Variants in MACF1 observed in about 807,000 individuals in gnomAD.
MACF1 encodes microtubule actin crosslinking factor 1.
In MACF1, 193 loss-of-function variants were observed where a neutral mutation model predicts 854.8. The observed-to-expected ratio is 0.23, with a 90% CI of 0.20 to 0.25. The LOEUF is 0.25. Ranked by LOEUF, MACF1 falls within the 10% of genes least tolerant of loss-of-function variation. The probability of loss-of-function intolerance (pLI) is 1.00; values close to 1 mark genes in which losing one functional copy is unlikely to be tolerated. For missense variants in MACF1, 7,722 were observed against 8,929.1 expected (o/e 0.86, Z 5.45); for synonymous variants, 3,185 against 3,226.7 (o/e 0.99, Z 0.44).
At chr1:39,459,811 A>G in intron 91 of MACF1, 1 of 1,303,800 alleles carries the variant, frequency 7.7e-7, no homozygotes, top group Non-Finnish European at 1.0e-6. Flanking sequence ...ATTTGTGCAT[A>G]TCAAAGCAGC....
chr1:39,387,120 T>C, intron 57 of MACF1, 67 bp from the exon 58 acceptor site: 1 of 1,544,528 alleles, frequency 6.5e-7, no homozygotes. Context: ...GACCGTATAC[T>C]CTCAGCAAAC....
intron 2 of MACF1, among the ~76,000 whole-genome samples, chr1:39,147,834 A>G (rs1478342771): frequency 3.3e-5 from 5 of 152,148 alleles, no homozygotes; most frequent in African/African-American, 1.2e-4. Context: ...CTCAACAGAT[A>G]TTGTTTCCTG....
At chr1:39,213,114 G>T (rs1644535985) in intron 1 of MACF1, among the ~76,000 whole-genome samples, 1 of 152,196 alleles carries the variant, frequency 6.6e-6, no homozygotes, top group Admixed American at 6.5e-5. Context: ...ACCTTTTAAA[G>T]TCCTAGAATT....
rs1645664056 is a variant in MACF1 at position 39,287,272 on chromosome 1, T to C, written c.1509-14T>C. The stretch of plus-strand genomic sequence containing the variant: ...GATTTAAATCCTTTCCTTTTTTCTC[T>C]TCTTCCATTTCAGGGTCATGCGTCT... On this transcript the variant is annotated splice_polypyrimidine_tract_variant and intron_variant, in intron 14 of 100. Coordinates refer to ENST00000564288, the MANE Select transcript of MACF1 (RefSeq NM_001394062.1). 6.2e-7 allele frequency: 1 copy of C among 1,609,436 alleles called. No individual in the cohort carries two copies. The highest frequency in any genetic ancestry group is 8.5e-7 in the Non-Finnish European group (1 of 1,176,898).
Position 39,460,501 on chromosome 1 carries a change from A to G in MACF1, c.21361-131A>G. The G allele has an allele frequency of 1.3e-6, 1 of 751,050 alleles. No individual in the cohort carries two copies. The highest frequency in any genetic ancestry group is 1.8e-5 in the South Asian group (1 of 56,674). 46.5% of individuals were successfully genotyped at this position (751,050 alleles called of 1,614,324 possible). A position where few individuals can be genotyped will look rare whatever the true frequency, so the allele number is the denominator to read the frequency against. The stretch of plus-strand genomic sequence containing the variant: ...GATTGTGCCTTCACAAAAGAAGCAA[A>G]CACATAGATTTCATTGTTGATGGCC... On this transcript the variant is annotated intron_variant, in intron 91 of 100. Transcript: ENST00000564288. This position sits in a 1 kb window ranked among gnomAD's most constrained non-coding sequence, Gnocchi z 4.1.
At chr1:39,330,802 C>CTTT (rs543557691) in intron 36 of MACF1, among the ~76,000 whole-genome samples, 1 of 139,946 alleles carries the variant, frequency 7.1e-6, no homozygotes, top group African/African-American at 2.6e-5. Context: ...TACTGTAGTA[C>CTTT]TTTTTTTTTT....
intron 40 of MACF1, among the ~76,000 whole-genome samples, chr1:39,345,382 G>A (rs1647021203): frequency 6.6e-6 from 1 of 152,124 alleles, no homozygotes; most frequent in African/African-American, 2.4e-5. Context: ...AGGCTAAGTG[G>A]AAGGATCACT....
intron 1 of MACF1, among the ~76,000 whole-genome samples, chr1:39,215,729 A>G (rs766781591): frequency 1.5e-4 from 22 of 151,102 alleles, no homozygotes; most frequent in Admixed American, 1.2e-3. Context: ...GGTATGTTGC[A>G]TAGTGCTGAA....
chr1:39,480,430 G>A (rs1644992974), intron 98 of MACF1, among the ~76,000 whole-genome samples: 2 of 152,236 alleles, frequency 1.3e-5, no homozygotes, highest in South Asian at 4.2e-4. Flanking sequence ...GGGCAACATA[G>A]CAAGACCATC....
chr1:39,395,180 G>A (rs185535162), intron 58 of MACF1, among the ~76,000 whole-genome samples: 2 of 152,230 alleles, frequency 1.3e-5, no homozygotes, highest in Non-Finnish European at 2.9e-5. Flanking sequence ...GTGCATTGTA[G>A]GCTGTTTAGC....
chr1:39,318,431 C>G, intron 29 of MACF1, 22 bp from the exon 30 acceptor site: 4 of 1,607,806 alleles, frequency 2.5e-6, no homozygotes, highest in Non-Finnish European at 3.4e-6. Context: ...TATCTGATAG[C>G]AGTTTCCCTT....
At chr1:39,436,163 A>T (rs527508221) in intron 70 of MACF1, among the ~76,000 whole-genome samples, 1 of 152,212 alleles carries the variant, frequency 6.6e-6, no homozygotes, top group East Asian at 1.9e-4. Flanking sequence ...CAGCTAACTC[A>T]TAGTTTAAGA....
chr1:39,385,706 T>C lies in MACF1; in HGVS notation c.14121T>C (p.Ser4707=). The change falls in exon 57 of 101, where the codon AGT becomes AGC. Residue 4707 remains serine, a synonymous_variant. Transcript: ENST00000564288. ...EKVRAVGQRL[S]VQSAISTQPE... Reference sequence around the variant, plus strand: ...TGAGGGCAGTTGGACAACGGCTGAGTGTCCAGTCAGCTATCAGCACCCAAC... The same window carrying C: ...TGAGGGCAGTTGGACAACGGCTGAGCGTCCAGTCAGCTATCAGCACCCAAC... The C allele has an allele frequency of 6.2e-7, 1 of 1,614,108 alleles. No individual in the cohort carries two copies. Among genetic ancestry groups the C allele is most frequent in the East Asian group, 2.2e-5 (1 of 44,878 alleles).
At chr1:39,272,869 A>G (rs1358220083) in intron 6 of MACF1, among the ~76,000 whole-genome samples, 2 of 152,202 alleles carry the variant, frequency 1.3e-5, no homozygotes, top group African/African-American at 4.8e-5. Flanking sequence ...TGACAAGTAG[A>G]CTAGGATTTG....
At chr1:39,088,675 C>T (rs1641734456) in intron 2 of MACF1, among the ~76,000 whole-genome samples, 1 of 152,144 alleles carries the variant, frequency 6.6e-6, no homozygotes, top group African/African-American at 2.4e-5. Context: ...CTTACTGTAG[C>T]AAGGAGTACA....
At chr1:39,094,705 C>T (rs1258291449) in intron 2 of MACF1, among the ~76,000 whole-genome samples, 4 of 150,004 alleles carry the variant, frequency 2.7e-5, no homozygotes, top group African/African-American at 7.4e-5. Flanking sequence ...GCAACCAGAG[C>T]GAAACTCTGT....
intron 1 of MACF1, among the ~76,000 whole-genome samples, chr1:39,208,165 G>C (rs1485492772): frequency 1.1e-5 from 1 of 92,994 alleles, no homozygotes; most frequent in Non-Finnish European, 2.7e-5. Flanking sequence ...AATATAAAAG[G>C]GTTTTTTTTT....
chr1:39,477,131 T>TACACAC (rs562347733), intron 97 of MACF1, among the ~76,000 whole-genome samples: 2,743 of 91,204 alleles, frequency 0.03, 146 homozygotes, highest in East Asian at 0.038. Context: ...TATATATATA[T>TACACAC]ATATACACAC....
chr1:39,097,831 T>TGAGA (rs1004930335), intron 2 of MACF1, among the ~76,000 whole-genome samples: 5 of 152,164 alleles, frequency 3.3e-5, no homozygotes, highest in Admixed American at 2.6e-4. Context: ...TGATCTCAAC[T>TGAGA]GAGAGCATTG....
Sources: gnomAD v4.1 joint callset for allele counts (sites outside exome capture counted in the v4.1 genomes callset) on GRCh38, gnomAD v4.1.1 for gene constraint, Gnocchi (gnomAD v3.1) non-coding constraint, MANE v1.5 for transcripts, NCBI Gene and HGNC (gene_info 2026-07-23, HGNC 2026-07-21) for gene names.